CDK12: variants seen among roughly 807,000 people sequenced by gnomAD.
CDK12 encodes cyclin-dependent kinase 12.
Under a neutral mutation model 133.8 loss-of-function variants are expected in CDK12, and 17 were observed. The ratio of observed to expected loss-of-function variants is 0.13; its 90% CI spans 0.09 to 0.19. CDK12 has a LOEUF of 0.19. Ranked by LOEUF, CDK12 falls within the 10% of genes least tolerant of loss-of-function variation. CDK12 has a pLI of 1.00. For missense variants in CDK12, 1,508 were observed against 1,818.7 expected, an observed-to-expected ratio of 0.83 and a Z score of 3.11; for synonymous variants, 694 against 683.6, an observed-to-expected ratio of 1.02 and a Z score of -0.24.
chr17:39,492,253 C>T (rs1443636510), intron 3 of CDK12, among the ~76,000 whole-genome samples: 12 of 151,048 alleles, frequency 7.9e-5, no homozygotes, highest in South Asian at 6.3e-4. Context: ...CCTGCCACCA[C>T]GCCCGGCTAA....
At chr17:39,487,176 C>T (rs1337868836) in intron 2 of CDK12, among the ~76,000 whole-genome samples, 1 of 152,094 alleles carries the variant, frequency 6.6e-6, no homozygotes, top group Non-Finnish European at 1.5e-5. Context: ...ACTGACTATC[C>T]CAGTTCTGGT....
chr17:39,526,929 G>A (rs186316053), intron 13 of CDK12, among the ~76,000 whole-genome samples: 66 of 152,224 alleles, frequency 4.3e-4, no homozygotes, highest in Non-Finnish European at 7.9e-4. Context: ...CCCAGATCAG[G>A]AAGTGCGTGT....
Position 39,471,693 on chromosome 17 carries a change from C to G in CDK12, c.1861C>G (p.His621Asp), listed in dbSNP as rs758970076. ...AGTATCTGTAACAGCTGCTATTCCA[C>G]ACCTGAAAACTTCAACGTTGCCTCC... ...TQVSVTAAIP[H>D]LKTSTLPPLP... is the part of the protein sequence containing the mutation. The change falls in exon 2 of 14, where the codon CAC becomes GAC. Residue 621 changes from histidine to aspartate, a missense_variant. Physicochemically the swap from His to Asp is moderately conservative, Grantham distance 81 (BLOSUM62 -1). Around this residue, in one of 9 missense-constraint regions of CDK12, gnomAD observed 347 missense variants for 330.8 expected, o/e 1.05. Transcript: ENST00000447079. 2.5e-6 allele frequency: 4 copies of G among 1,613,996 alleles called. No individual in the cohort carries two copies. Among genetic ancestry groups the G allele is most frequent in the African/African-American group, 1.3e-5 (1 of 74,926 alleles).
rs780806442 is a variant in CDK12, at chr17:39,531,287, G to C, written c.4444G>C (p.Gly1482Arg). The stretch of plus-strand genomic sequence containing the variant: ...GGGGCCTACAAGAGTCCCACCAAGA[G>C]GGGGAAGAGGGAGAGGAGTTCCTTA... ...YRGPTRVPPRGGRGRGVPY is the reference protein window; with the variant it reads ...YRGPTRVPPRRGRGRGVPY The change falls in exon 14 of 14, where the codon GGG (glycine) becomes CGG (arginine). Residue 1482 changes from glycine to arginine, a missense_variant. Physicochemically the swap from Gly to Arg is moderately radical, Grantham distance 125. Transcript: ENST00000447079. 6.7e-7 allele frequency: 1 copy of C among 1,494,928 alleles called. No homozygotes were observed. Among genetic ancestry groups the C allele is most frequent in the Non-Finnish European group, 8.9e-7 (1 of 1,125,538 alleles). 92.6% of individuals were successfully genotyped at this position (1,494,928 alleles called of 1,614,324 possible).
At position 39,530,644 on chromosome 17, in the gene CDK12, T is replaced by A. The variant is rs745993172; in HGVS notation, c.3801T>A (p.Pro1267=). Residue 1267 remains proline, a synonymous_variant, in exon 14 of 14, where the codon CCT becomes CCA. Transcript: ENST00000447079. ...TTCTTCCACCAGAGAAGAGGCCCCC[T>A]GAGCCCCCCGGACCTCCACCGCCGC... ...PHILPPEKRP[P]EPPGPPPPPP... The A allele has an allele frequency of 6.2e-7, 1 of 1,607,190 alleles. No individual in the cohort carries two copies. The highest frequency in any genetic ancestry group is 1.1e-5 in the South Asian group (1 of 90,534).
intron 2 of CDK12, among the ~76,000 whole-genome samples, chr17:39,482,064 A>G (rs1370155344): frequency 5.0e-5 from 5 of 99,456 alleles, no homozygotes; most frequent in African/African-American, 1.5e-4. Flanking sequence ...CCCAGGCTGG[A>G]GTGCAGTGTT....
intron 2 of CDK12, among the ~76,000 whole-genome samples, chr17:39,551,383 A>T (rs1034938950): frequency 2.6e-5 from 4 of 152,000 alleles, no homozygotes; most frequent in Admixed American, 2.0e-4. Context: ...CCTGACCCCT[A>T]TGGAATTTTA....
intron 5 of CDK12, among the ~76,000 whole-genome samples, chr17:39,499,391 C>T (rs2052548488): frequency 6.7e-6 from 1 of 150,026 alleles, no homozygotes; most frequent in African/African-American, 2.5e-5. Context: ...GTATTTTTAG[C>T]AGAGTTAGGG....
chr17:39,540,320 A>G (rs1188998542), intron 1 of CDK12, among the ~76,000 whole-genome samples: 1 of 152,220 alleles, frequency 6.6e-6, no homozygotes, highest in Admixed American at 6.5e-5. Context: ...GTTTTGTCTT[A>G]TTAACCAATT....
At chr17:39,475,031 C>T (rs2050085833) in intron 2 of CDK12, among the ~76,000 whole-genome samples, 1 of 151,720 alleles carries the variant, frequency 6.6e-6, no homozygotes, top group African/African-American at 2.4e-5. Flanking sequence ...GACAGGGTTT[C>T]ACCATGTTGG....
chr17:39,498,911 C>CTTTCTTTCTTTCTTTT (rs2052370155), intron 5 of CDK12, among the ~76,000 whole-genome samples: 1 of 6 alleles, frequency 0.17, no homozygotes. Flanking sequence ...TTCTTTCTTT[C>CTTTCTTTCTTTCTTTT]TTTCTTTCTT....
At chr17:39,493,006 T>C in intron 4 of CDK12, 116 bp downstream of exon 4, 8 of 948,270 alleles carry the variant, frequency 8.4e-6, no homozygotes, top group Non-Finnish European at 1.1e-5. Context: ...TGTTTGTTTG[T>C]TTGTTTTTTG....
chr17:39,465,160 C>T (rs1443592230), intron 1 of CDK12, among the ~76,000 whole-genome samples: 1 of 149,130 alleles, frequency 6.7e-6, no homozygotes, highest in Admixed American at 6.8e-5. Context: ...GCAGGAGAAT[C>T]AGTTGAGCCC....
chr17:39,517,667 T>A lies in CDK12; in HGVS notation c.2963+111T>A, dbSNP rs2303315. On this transcript the variant is annotated intron_variant, in intron 10 of 13. Coordinates refer to ENST00000447079, the MANE Select transcript of CDK12 (RefSeq NM_016507.4). ...GTCCCAGTTTATCATGGCAACACAGTGTAGGAAAACATTTTAGTTTCGAAC... is the reference window on the plus strand; with the variant it reads ...GTCCCAGTTTATCATGGCAACACAGAGTAGGAAAACATTTTAGTTTCGAAC... 76,090 of 653,014 alleles carry A rather than the reference T, an allele frequency of 0.12. 5,295 individuals carry two copies. Among genetic ancestry groups the A allele is most frequent in the South Asian group, 0.19 (10,008 of 53,848 alleles). 40.5% of individuals were successfully genotyped at this position (653,014 alleles called of 1,614,324 possible). A position where few individuals can be genotyped will look rare whatever the true frequency, so the allele number is the denominator to read the frequency against.
rs1449463098 is a variant in CDK12 at position 39,479,303 on chromosome 17, C to T, written c.1931+7540C>T. Reference sequence around the variant, plus strand: ...AGCCTGGGCGACAAGAGCGAGACTCCGTCTGAAAAAAAAAAAAAAAAAAAA... The same window carrying T: ...AGCCTGGGCGACAAGAGCGAGACTCTGTCTGAAAAAAAAAAAAAAAAAAAA... On this transcript the variant is annotated intron_variant, in intron 2 of 13. Coordinates refer to ENST00000447079, the MANE Select transcript of CDK12 (RefSeq NM_016507.4). 2.5e-4 allele frequency among the ~76,000 whole-genome samples: 26 copies of T among 103,822 alleles called. No homozygotes were observed. In the Admixed American group the frequency reaches 2.7e-3, roughly 11 times the overall value. The allele number at this position is 103,822 out of a possible 152,430, so 68.1% of individuals were successfully genotyped here. A position where few individuals can be genotyped will look rare whatever the true frequency, so the allele number is the denominator to read the frequency against.
intron 3 of CDK12, among the ~76,000 whole-genome samples, chr17:39,559,871 A>G (rs1035971069): frequency 3.9e-4 from 59 of 151,636 alleles, no homozygotes; most frequent in East Asian, 2.3e-3. Flanking sequence ...AAAAAAAAAA[A>G]AAAGAAAGAA....
At chr17:39,524,364 C>T (rs1265014462) in intron 11 of CDK12, among the ~76,000 whole-genome samples, 7 of 152,158 alleles carry the variant, frequency 4.6e-5, no homozygotes, top group Admixed American at 4.6e-4. Flanking sequence ...TACTGTTCTC[C>T]TTTTTTGTTG....
At chr17:39,480,386 C>T (rs1457505963) in intron 2 of CDK12, among the ~76,000 whole-genome samples, 2 of 151,822 alleles carry the variant, frequency 1.3e-5, no homozygotes, top group Non-Finnish European at 2.9e-5. Flanking sequence ...TCTCCTGCGT[C>T]ACCCTCCCAA....
chr17:39,501,352 A>G lies in CDK12; in HGVS notation c.2522A>G (p.Lys841Arg). ...FSEDHIKSFMKQLMEGLEYCH... is the reference protein window; with the variant it reads ...FSEDHIKSFMRQLMEGLEYCH... ...GAGGACCATATCAAGTCGTTCATGA[A>G]ACAGCTAATGGAAGGATTGGAATAC... The change falls in exon 6 of 14, where the codon AAA becomes AGA. Residue 841 changes from lysine (K) to arginine (R), a missense_variant. Lys to Arg is a conservative substitution (Grantham distance 26, BLOSUM62 2). Around this residue, in one of 9 missense-constraint regions of CDK12, gnomAD observed 21 missense variants for 17.6 expected, o/e 1.19. Transcript: ENST00000447079. The G allele has an allele frequency of 6.2e-7, 1 of 1,613,880 alleles. No homozygotes were observed. Among genetic ancestry groups the G allele is most frequent in the Non-Finnish European group, 8.5e-7 (1 of 1,179,854 alleles).
Sources: gnomAD v4.1 joint callset for allele counts (sites outside exome capture counted in the v4.1 genomes callset) on GRCh38, gnomAD v4.1.1 for gene constraint, gnomAD v4.1.1 regional missense constraint, MANE v1.5 for transcripts, NCBI Gene and HGNC (gene_info 2026-07-23, HGNC 2026-07-21) for gene names.